Variants in ZFYVE9 observed in about 807,000 individuals in gnomAD.
ZFYVE9 encodes zinc finger FYVE-type containing 9.
In ZFYVE9, 43 loss-of-function variants were observed where a neutral mutation model predicts 126.7. That is an observed-to-expected ratio of 0.34 (90% CI 0.27 to 0.44). The LOEUF (loss-of-function observed/expected upper bound fraction) is 0.44, where lower values mean the gene tolerates loss of function less well. Among genes scored for constraint, ZFYVE9 ranks in the 20% least tolerant of loss-of-function variants. The probability of loss-of-function intolerance (pLI) is 1.00; values close to 1 mark genes in which losing one functional copy is unlikely to be tolerated. For synonymous variants in ZFYVE9, 521 were observed against 597.4 expected, an observed-to-expected ratio of 0.87 and a Z score of 1.87; for missense variants, 1,476 against 1,697.0, an observed-to-expected ratio of 0.87 and a Z score of 2.29.
intron 2 of ZFYVE9, among the ~76,000 whole-genome samples, chr1:52,230,171 GCTCACAGACA>G (rs1234324621): frequency 1.3e-5 from 2 of 152,102 alleles, no homozygotes; most frequent in Non-Finnish European, 2.9e-5. Context: ...CCCTGCCTAG[GCTCACAGACA>G]CTTTGAAGGG....
chr1:52,345,171 A>G (rs558173595), intron 18 of ZFYVE9, among the ~76,000 whole-genome samples: 2 of 152,270 alleles, frequency 1.3e-5, no homozygotes, highest in Non-Finnish European at 2.9e-5. Context: ...ATGCCTTCCA[A>G]GGAGCTGGTT....
intron 10 of ZFYVE9, among the ~76,000 whole-genome samples, chr1:52,282,259 TTAAAAG>T (rs1379257009): frequency 2.6e-5 from 4 of 151,030 alleles, no homozygotes; most frequent in Admixed American, 6.6e-5. Context: ...CTGTAACAAC[TTAAAAG>T]TAAAAGCATA....
chr1:52,207,095 A>G (rs2124580062), intron 1 of ZFYVE9, among the ~76,000 whole-genome samples: 1 of 152,296 alleles, frequency 6.6e-6, no homozygotes, highest in South Asian at 2.1e-4. Flanking sequence ...ATTTAATCAA[A>G]TGTTTAGGCA....
Position 52,186,239 on chromosome 1 carries a change from CAAAA to C in ZFYVE9, c.-142-30120_-142-30117del, listed in dbSNP as rs1196121611. ...TGGGTGACAGAGCGAGACTCTGTCT[CAAAA>C]AAAAAAAAACAAAACAAAACCCAAA... On this transcript the variant is annotated intron_variant, in intron 1 of 18. Coordinates refer to ENST00000287727, the MANE Select transcript of ZFYVE9 (RefSeq NM_004799.4). 2.4e-4 allele frequency among the ~76,000 whole-genome samples: 20 copies of C among 85,088 alleles called. 1 individual carries two copies. The highest frequency in any genetic ancestry group is 8.4e-4 in the African/African-American group (20 of 23,938). The allele number at this position is 85,088 out of a possible 152,430, so 55.8% of individuals were successfully genotyped here. A position where few individuals can be genotyped will look rare whatever the true frequency, so the allele number is the denominator to read the frequency against.
rs376116477 is a variant in ZFYVE9 at position 52,253,649 on chromosome 1, G to T, written c.2179-10124G>T. On this transcript the variant is annotated intron_variant, in intron 4 of 18. Coordinates refer to ENST00000287727, the MANE Select transcript of ZFYVE9 (RefSeq NM_004799.4). ...ACCACACCAAACAAGGCACCTCCTGGTACTGACCCTGAGCAGTTGGAAAAG... is the reference window on the plus strand; with the variant it reads ...ACCACACCAAACAAGGCACCTCCTGTTACTGACCCTGAGCAGTTGGAAAAG... 1,545 of 1,524,638 alleles carry T rather than the reference G, an allele frequency of 1.0e-3. 31 individuals carry two copies. The South Asian group carries it at 0.016, about 16-fold the overall frequency. 94.4% of individuals were successfully genotyped at this position (1,524,638 alleles called of 1,614,324 possible).
At chr1:52,292,934 G>A (rs539662196) in intron 10 of ZFYVE9, among the ~76,000 whole-genome samples, 11 of 152,190 alleles carry the variant, frequency 7.2e-5, no homozygotes, top group African/African-American at 2.6e-4. Flanking sequence ...CTCATTAGAA[G>A]CCCTGATAAA....
intron 1 of ZFYVE9, chr1:52,150,324 G>A (rs1644342585): frequency 6.6e-6 from 1 of 152,198 alleles, no homozygotes; most frequent in South Asian, 2.1e-4. Flanking sequence ...GCTGGGAATG[G>A]AGCAGCTCAA....
At chr1:52,143,455 C>G (rs535834962) in intron 1 of ZFYVE9, among the ~76,000 whole-genome samples, 3 of 152,148 alleles carry the variant, frequency 2.0e-5, no homozygotes, top group African/African-American at 4.8e-5. Flanking sequence ...TAGGTACTTG[C>G]AAAACTTTTA....
chr1:52,145,568 T>C (rs750670669), intron 1 of ZFYVE9, among the ~76,000 whole-genome samples: 1 of 152,176 alleles, frequency 6.6e-6, no homozygotes, highest in African/African-American at 2.4e-5. Context: ...GAGTTTCTTA[T>C]GTACTATTGG....
chr1:52,317,515 C>G (rs1419180541), intron 13 of ZFYVE9, among the ~76,000 whole-genome samples: 1 of 150,092 alleles, frequency 6.7e-6, no homozygotes, highest in African/African-American at 2.4e-5. Flanking sequence ...AAAAAGACAT[C>G]TCAAATCAAT....
At chr1:52,244,438 CAG>C (rs1645363916) in intron 4 of ZFYVE9, among the ~76,000 whole-genome samples, 1 of 152,080 alleles carries the variant, frequency 6.6e-6, no homozygotes, top group Non-Finnish European at 1.5e-5. Flanking sequence ...TGGGGCTAGA[CAG>C]AGGTTGGTTT....
intron 1 of ZFYVE9, among the ~76,000 whole-genome samples, chr1:52,174,316 G>T (rs376473407): frequency 2.0e-5 from 3 of 148,882 alleles, no homozygotes; most frequent in African/African-American, 7.3e-5. Flanking sequence ...GAGTGGTTTT[G>T]AGTGAGTTTC....
intron 2 of ZFYVE9, among the ~76,000 whole-genome samples, chr1:52,217,711 C>T (rs75243661): frequency 0.012 from 1,859 of 152,258 alleles, 31 homozygotes; most frequent in African/African-American, 0.043. Flanking sequence ...GTAAAGGGGT[C>T]GTCTATTCCA....
intron 4 of ZFYVE9, among the ~76,000 whole-genome samples, chr1:52,242,008 G>A (rs1645338428): frequency 6.7e-6 from 1 of 149,804 alleles, no homozygotes; most frequent in South Asian, 2.1e-4. Flanking sequence ...TATATAAATT[G>A]GAATTTATGA....
intron 1 of ZFYVE9, among the ~76,000 whole-genome samples, chr1:52,161,237 AT>A: frequency 6.6e-6 from 1 of 152,324 alleles, no homozygotes; most frequent in East Asian, 1.9e-4. Flanking sequence ...TTAAACTTCA[AT>A]AAATTTAACA....
At chr1:52,233,503 G>A (rs1329120434) in intron 3 of ZFYVE9, among the ~76,000 whole-genome samples, 2 of 152,192 alleles carry the variant, frequency 1.3e-5, no homozygotes, top group East Asian at 3.8e-4. Flanking sequence ...GAGGCACAGA[G>A]AGGTTAAGCA....
chr1:52,176,963 G>T (rs1314388174), intron 1 of ZFYVE9, among the ~76,000 whole-genome samples: 1 of 152,154 alleles, frequency 6.6e-6, no homozygotes, highest in African/African-American at 2.4e-5. Context: ...GCAATGCCTT[G>T]CCCTGCTTCG....
At position 52,169,463 on chromosome 1, in the gene ZFYVE9, G is replaced by A. The variant is rs116259573; in HGVS notation, c.-143+27060G>A. On this transcript the variant is annotated intron_variant, in intron 1 of 18. Coordinates refer to ENST00000287727, the MANE Select transcript of ZFYVE9 (RefSeq NM_004799.4). ...CTCTCTTTATTTTTCATCTTAACAC[G>A]TCATCTAGCATATCATATATTTTAC... 9.1e-3 allele frequency among the ~76,000 whole-genome samples: 1,387 copies of A among 151,960 alleles called. 14 individuals are homozygous for A. The highest frequency in any genetic ancestry group is 0.014 in the Admixed American group (220 of 15,264).
chr1:52,177,170 A>G (rs994403516), intron 1 of ZFYVE9, among the ~76,000 whole-genome samples: 34 of 137,972 alleles, frequency 2.5e-4, no homozygotes, highest in African/African-American at 8.5e-4. Context: ...TTTTTTTGAG[A>G]CGGACTCTCC....
Sources: allele counts gnomAD v4.1 joint callset (sites outside exome capture counted in the v4.1 genomes callset), GRCh38; gene constraint gnomAD v4.1.1; transcripts MANE v1.5; gene names NCBI Gene and HGNC (gene_info 2026-07-23, HGNC 2026-07-21).